The following PDZRN4 variants were observed in gnomAD, a reference collection of about 807,000 sequenced individuals.
PDZRN4 encodes the protein PDZ domain containing ring finger 4, also known as PDZ domain-containing RING finger protein 4.
Under a neutral mutation model 99.0 loss-of-function variants are expected in PDZRN4, and 70 were observed. The observed-to-expected ratio is 0.71, with a 90% CI of 0.58 to 0.86. PDZRN4 has a LOEUF of 0.86. Ranked by LOEUF, PDZRN4 falls within the 40% of genes least tolerant of loss-of-function variation. The pLI is 0.00. For synonymous variants in PDZRN4, 551 were observed against 501.6 expected, an observed-to-expected ratio of 1.10 and a Z score of -1.32; for missense variants, 1,474 against 1,331.2, an observed-to-expected ratio of 1.11 and a Z score of -1.67.
At chr12:41,299,013 T>A (rs928996129) in intron 3 of PDZRN4, among the ~76,000 whole-genome samples, 3 of 152,096 alleles carry the variant, frequency 2.0e-5, no homozygotes, top group Non-Finnish European at 4.4e-5. Context: ...TGGCCCTTTT[T>A]TTCTGATGTC....
intron 5 of PDZRN4, among the ~76,000 whole-genome samples, chr12:41,512,326 G>A (rs894870629): frequency 6.6e-6 from 1 of 152,042 alleles, no homozygotes; most frequent in African/African-American, 2.4e-5. Flanking sequence ...CTTTTCAATG[G>A]TGAGAAGTAC....
intron 3 of PDZRN4, among the ~76,000 whole-genome samples, chr12:41,291,212 G>C (rs1002618070): frequency 5.3e-5 from 8 of 152,046 alleles, no homozygotes; most frequent in African/African-American, 1.2e-4. Flanking sequence ...ATCACTGAAA[G>C]TGTTGAATAA....
At chr12:41,457,643 T>G (rs760612397) in intron 3 of PDZRN4, among the ~76,000 whole-genome samples, 1 of 152,220 alleles carries the variant, frequency 6.6e-6, no homozygotes, top group Non-Finnish European at 1.5e-5. Flanking sequence ...ATCTTTTCCA[T>G]CAATGCTTAT....
chr12:41,250,851 T>G (rs1951164882), intron 3 of PDZRN4, among the ~76,000 whole-genome samples: 1 of 152,216 alleles, frequency 6.6e-6, no homozygotes, highest in African/African-American at 2.4e-5. Context: ...TTATTGTTTG[T>G]CAACCCTCCA....
chr12:41,405,741 T>C (rs937609168), intron 3 of PDZRN4, among the ~76,000 whole-genome samples: 2 of 152,116 alleles, frequency 1.3e-5, no homozygotes, highest in African/African-American at 4.8e-5. Context: ...ATGTGGTACC[T>C]ATACACCATG....
At chr12:41,371,671 G>A (rs1042679332) in intron 3 of PDZRN4, among the ~76,000 whole-genome samples, 27 of 152,096 alleles carry the variant, frequency 1.8e-4, no homozygotes, top group African/African-American at 6.3e-4. Flanking sequence ...TTTGCCAAAT[G>A]TTTATTTGTT....
Position 41,509,831 on chromosome 12 carries a change from T to A in PDZRN4, c.1121T>A (p.Met374Lys), listed in dbSNP as rs529884020. ...LSDSCHSLHP[M>K]EHEFYEDNEY... ...CATAGCTGCCATTCTCTACATCCAA[T>A]GGAGCATGAATTTTATGAGGACAAT... The change falls in exon 5 of 10, where the codon ATG becomes AAG. Residue 374 changes from methionine (M) to lysine (K), a missense_variant. Transcript: ENST00000402685. The A allele has an allele frequency of 2.5e-6, 4 of 1,587,124 alleles. No homozygotes were observed. The African/African-American group carries it at 5.4e-5, about 21-fold the overall frequency.
At position 41,294,013 on chromosome 12, in the gene PDZRN4, G is replaced by A. The variant is rs149635050; in HGVS notation, c.843+99825G>A. Among the ~76,000 whole-genome samples the A allele has an allele frequency of 4.9e-4, 74 of 152,318 alleles. No individual in the cohort carries two copies. In the East Asian group the frequency reaches 0.011, roughly 23 times the overall value. Reference sequence around the variant, plus strand: ...GGGTTGCTTGGATTAATTTGAAGATGTTTGCATAAATAGGCTCAGAGTTTT... The same window carrying A: ...GGGTTGCTTGGATTAATTTGAAGATATTTGCATAAATAGGCTCAGAGTTTT... On this transcript the variant is annotated intron_variant, in intron 3 of 9. Transcript: ENST00000402685.
At chr12:41,437,691 G>C in intron 3 of PDZRN4, 1 of 1,343,326 alleles carries the variant, frequency 7.4e-7, no homozygotes, top group South Asian at 1.7e-5. Flanking sequence ...AGACGGGGGA[G>C]TGTTGCCATG....
rs1465001967 is a variant in PDZRN4, at chr12:41,188,841, C to T, written c.386C>T (p.Ala129Val). 2 of 1,268,674 alleles carry T rather than the reference C, an allele frequency of 1.6e-6. No individual in the cohort carries two copies. The highest frequency in any genetic ancestry group is 3.2e-5 in the East Asian group (1 of 30,982). The allele number at this position is 1,268,674 out of a possible 1,614,324, so 78.6% of individuals were successfully genotyped here. A position where few individuals can be genotyped will look rare whatever the true frequency, so the allele number is the denominator to read the frequency against. Residue 129 changes from alanine (A) to valine (V), a missense_variant, in exon 1 of 10, where the codon GCG becomes GTG. Ala to Val is a moderately conservative substitution (Grantham distance 64). Transcript: ENST00000402685. Reference protein sequence around the residue: ...ASGLGGGEVPARGGCGPTPRA... With the variant: ...ASGLGGGEVPVRGGCGPTPRA... ...GGGCTGGGCGGTGGTGAGGTGCCCG[C>T]GCGGGGGGGCTGCGGTCCGACACCC...
At chr12:41,213,948 G>C (rs1484873629) in intron 3 of PDZRN4, among the ~76,000 whole-genome samples, 1 of 151,906 alleles carries the variant, frequency 6.6e-6, no homozygotes, top group Non-Finnish European at 1.5e-5. Context: ...CCTCAGAGTT[G>C]TTATCAAGAT....
Position 41,485,155 on chromosome 12 carries a change from T to C in PDZRN4, c.844-21301T>C, listed in dbSNP as rs550027222. Among the ~76,000 whole-genome samples, 48 of 152,272 alleles carry C rather than the reference T, an allele frequency of 3.2e-4. No individual in the cohort carries two copies. The South Asian group carries it at 9.3e-3, about 30-fold the overall frequency. ...AAATGCTAATACTATGTGTTGTATT[T>C]CCAGAAAAGATGTGCTTGTTTGTTT... On this transcript the variant is annotated intron_variant, in intron 3 of 9. Transcript: ENST00000402685.
intron 3 of PDZRN4, among the ~76,000 whole-genome samples, chr12:41,260,229 TA>T (rs1951228170): frequency 6.6e-6 from 1 of 152,158 alleles, no homozygotes; most frequent in African/African-American, 2.4e-5. Context: ...TTTTTTGACT[TA>T]CGTATTAGGA....
chr12:41,525,626 T>A (rs1938555568), intron 5 of PDZRN4, among the ~76,000 whole-genome samples: 1 of 152,170 alleles, frequency 6.6e-6, no homozygotes, highest in African/African-American at 2.4e-5. Flanking sequence ...GTAGATTTGT[T>A]ATATATCTCT....
intron 3 of PDZRN4, among the ~76,000 whole-genome samples, chr12:41,491,443 A>C (rs933589805): frequency 3.9e-5 from 6 of 152,060 alleles, no homozygotes; most frequent in African/African-American, 1.4e-4. Context: ...AATCGCTTGA[A>C]CCTGTGAGGT....
chr12:41,322,373 T>C (rs2120975695), intron 3 of PDZRN4, among the ~76,000 whole-genome samples: 1 of 152,148 alleles, frequency 6.6e-6, no homozygotes, highest in South Asian at 2.1e-4. Flanking sequence ...CTGAGTAATT[T>C]TGGATCTCAT....
rs1354159357 is a variant in PDZRN4 at position 41,194,137 on chromosome 12, T to C, written c.792T>C (p.Asn264=). The C allele has an allele frequency of 1.9e-6, 3 of 1,575,136 alleles. No homozygotes were observed. In the African/African-American group the frequency reaches 4.0e-5, roughly 21 times the overall value. ...EGIYVSKILE[N]GPADRADGLE... ...TTTACGTTTCAAAAATTTTAGAAAATGGACCTGCTGACAGAGCAGATGGCC... is the reference window on the plus strand; with the variant it reads ...TTTACGTTTCAAAAATTTTAGAAAACGGACCTGCTGACAGAGCAGATGGCC... Residue 264 remains asparagine, a synonymous_variant, in exon 3 of 10, where the codon AAT becomes AAC. Coordinates refer to ENST00000402685, the MANE Select transcript of PDZRN4 (RefSeq NM_001164595.2).
At chr12:41,504,110 A>C (rs1806018244) in intron 3 of PDZRN4, among the ~76,000 whole-genome samples, 1 of 152,050 alleles carries the variant, frequency 6.6e-6, no homozygotes, top group African/African-American at 2.4e-5. Flanking sequence ...CTCTACTAAA[A>C]ATACAAAAGT....
At position 41,563,439 on chromosome 12, in the gene PDZRN4, G is replaced by T. The variant is rs77844690; in HGVS notation, c.1366-109G>T. The T allele has an allele frequency of 2.1e-3, 1,674 of 779,844 alleles. 29 individuals carry two copies. The African/African-American group carries it at 0.026, about 12-fold the overall frequency. The allele number at this position is 779,844 out of a possible 1,614,324, so 48.3% of individuals were successfully genotyped here. A position where few individuals can be genotyped will look rare whatever the true frequency, so the allele number is the denominator to read the frequency against. On this transcript the variant is annotated intron_variant, in intron 7 of 9. Transcript: ENST00000402685. ...GAGGGGCTGAAGATGAGCCCATTGT[G>T]TGAGCTTCATTGTCCATACATTTAC...
Sources: allele counts gnomAD v4.1 joint callset (sites outside exome capture counted in the v4.1 genomes callset), GRCh38; gene constraint gnomAD v4.1.1; transcripts MANE v1.5; gene names NCBI Gene and HGNC (gene_info 2026-07-23, HGNC 2026-07-21).